ACYP2: variants seen among roughly 807,000 people sequenced by gnomAD.
ACYP2 encodes acylphosphatase-2.
ACYP2 carries 12 observed loss-of-function variants against 11.2 expected under a neutral mutation model. The observed-to-expected ratio is 1.08, with a 90% CI of 0.69 to 1.74. The LOEUF (loss-of-function observed/expected upper bound fraction) is 1.74. ACYP2 is among the 40% of genes most tolerant of loss of function. The pLI is 0.00. For missense variants in ACYP2, 134 were observed against 101.9 expected (o/e 1.31, Z -1.35); for synonymous variants, 43 against 32.2 (o/e 1.33, Z -1.13).
intron 6 of ACYP2, chr2:54,255,689 A>G: frequency 6.2e-7 from 1 of 1,613,564 alleles, no homozygotes; most frequent in South Asian, 1.1e-5. Context: ...AACATGGCAC[A>G]CTCCTCAGGC....
intron 4 of ACYP2, chr2:54,065,327 A>G (rs1676691644): frequency 2.5e-6 from 1 of 393,534 alleles, no homozygotes. Context: ...AGGCCCAGGT[A>G]CTTTGTTTAA....
chr2:54,077,776 G>A (rs1250867756), intron 4 of ACYP2, among the ~76,000 whole-genome samples: 1 of 152,168 alleles, frequency 6.6e-6, no homozygotes, highest in East Asian at 1.9e-4. Context: ...TTCCTAAGGT[G>A]TTATGTAAAT....
At chr2:54,002,430 C>G (rs758457883) in intron 2 of ACYP2, among the ~76,000 whole-genome samples, 1 of 150,428 alleles carries the variant, frequency 6.6e-6, no homozygotes, top group Non-Finnish European at 1.5e-5. Context: ...ACTGCAACCT[C>G]CACTTCTTGG....
intron 4 of ACYP2, among the ~76,000 whole-genome samples, chr2:54,089,754 A>G (rs1222159036): frequency 1.1e-4 from 16 of 151,726 alleles, no homozygotes; most frequent in African/African-American, 3.9e-4. Context: ...CCAAACAGCA[A>G]TTACTTTTGC....
chr2:54,030,566 G>T, intron 2 of ACYP2: 1 of 154,874 alleles, frequency 6.5e-6, no homozygotes, highest in South Asian at 1.7e-4. Context: ...AATTGTCAGG[G>T]AGAGTTGGCC....
At chr2:54,162,956 C>G (rs1162397078) in intron 6 of ACYP2, among the ~76,000 whole-genome samples, 1 of 152,182 alleles carries the variant, frequency 6.6e-6, no homozygotes, top group African/African-American at 2.4e-5. Context: ...GCACCCCAGT[C>G]TGGAGCCAGA....
intron 2 of ACYP2, among the ~76,000 whole-genome samples, chr2:54,017,773 C>T (rs569482517): frequency 3.5e-4 from 54 of 152,272 alleles, no homozygotes; most frequent in African/African-American, 1.3e-3. Context: ...AGGCATCTCA[C>T]AGGCTACTGT....
At chr2:54,137,640 C>T (rs1681333932) in intron 5 of ACYP2, among the ~76,000 whole-genome samples, 1 of 152,138 alleles carries the variant, frequency 6.6e-6, no homozygotes, top group Non-Finnish European at 1.5e-5. Context: ...GCATGGTATT[C>T]CATGGTGTAT....
chr2:53,986,468 C>A (rs1246858246), intron 2 of ACYP2, among the ~76,000 whole-genome samples: 2 of 151,518 alleles, frequency 1.3e-5, no homozygotes. Flanking sequence ...TCCTGAGTAG[C>A]TGGGATTACA....
At chr2:54,177,317 ATTC>A (rs1260965697) in intron 6 of ACYP2, among the ~76,000 whole-genome samples, 1 of 152,102 alleles carries the variant, frequency 6.6e-6, no homozygotes, top group Non-Finnish European at 1.5e-5. Flanking sequence ...AAGAGGCATC[ATTC>A]TTCTACTAAA....
intron 6 of ACYP2, among the ~76,000 whole-genome samples, chr2:54,194,042 C>CT (rs930298057): frequency 8.6e-5 from 13 of 151,852 alleles, no homozygotes; most frequent in African/African-American, 3.1e-4. Flanking sequence ...TCAACATTTT[C>CT]TTTTTTTTCT....
chr2:54,219,819 G>A (rs369065584), intron 6 of ACYP2, among the ~76,000 whole-genome samples: 11 of 112,426 alleles, frequency 9.8e-5, no homozygotes, highest in Non-Finnish European at 1.2e-4. Context: ...GTTTGTGTAT[G>A]TGTGTGTGTA....
At chr2:54,147,804 C>A (rs1423423699) in intron 6 of ACYP2, among the ~76,000 whole-genome samples, 2 of 152,124 alleles carry the variant, frequency 1.3e-5, no homozygotes, top group African/African-American at 4.8e-5. Context: ...GGATTACAGG[C>A]GTGAGTTACC....
At chr2:54,064,499 G>A (rs1337509165) in intron 4 of ACYP2, among the ~76,000 whole-genome samples, 2 of 152,136 alleles carry the variant, frequency 1.3e-5, no homozygotes, top group South Asian at 2.1e-4. Context: ...GAATGGGCCA[G>A]ATTTCATTTC....
At chr2:54,172,489 T>C (rs1486511200) in intron 6 of ACYP2, among the ~76,000 whole-genome samples, 1 of 152,178 alleles carries the variant, frequency 6.6e-6, no homozygotes, top group Non-Finnish European at 1.5e-5. Context: ...TTCACAACAA[T>C]GTGTGTAACC....
chr2:54,012,495 A>G (rs528267994), intron 2 of ACYP2, among the ~76,000 whole-genome samples: 2 of 152,304 alleles, frequency 1.3e-5, no homozygotes, highest in African/African-American at 2.4e-5. Context: ...TAGCCTAGGC[A>G]TGAGCAAGAC....
At chr2:54,029,611 CCTT>C (rs1674476797) in intron 2 of ACYP2, 1 of 373,222 alleles carries the variant, frequency 2.7e-6, no homozygotes, top group African/African-American at 2.1e-5. Flanking sequence ...TCTTTGGCTT[CCTT>C]CTTTTTCTGA....
chr2:54,064,215 G>T (rs1469394918), intron 4 of ACYP2, among the ~76,000 whole-genome samples: 1 of 152,100 alleles, frequency 6.6e-6, no homozygotes, highest in Non-Finnish European at 1.5e-5. Context: ...CCCTACTTTA[G>T]GGGTCTTGGC....
At chr2:54,123,508 A>G (rs568241299) in intron 4 of ACYP2, 3 of 398,376 alleles carry the variant, frequency 7.5e-6, no homozygotes, top group Admixed American at 4.4e-5. Flanking sequence ...CACTAAATAT[A>G]CAGTAGTTTT....
Sources: allele counts gnomAD v4.1 joint callset (sites outside exome capture counted in the v4.1 genomes callset), GRCh38; gene constraint gnomAD v4.1.1; transcripts MANE v1.5; gene names NCBI Gene and HGNC (gene_info 2026-07-23, HGNC 2026-07-21).